AKAP9: variants seen among roughly 807,000 people sequenced by gnomAD.
AKAP9 encodes A-kinase anchor protein 9.
Under a neutral mutation model 488.5 loss-of-function variants are expected in AKAP9, and 311 were observed. That is an observed-to-expected ratio of 0.64 (90% CI 0.58 to 0.70). The LOEUF is 0.70. AKAP9 is among the 30% of genes least tolerant of loss of function. The pLI, the probability that AKAP9 is intolerant of heterozygous loss-of-function variation, is 0.00. For synonymous variants in AKAP9, 1,462 were observed against 1,483.5 expected (o/e 0.99, Z 0.33); for missense variants, 4,215 against 4,374.5 (o/e 0.96, Z 1.03).
chr7:92,092,335 G>A (rs900667071), intron 38 of AKAP9: 1 of 152,166 alleles, frequency 6.6e-6, no homozygotes, highest in Non-Finnish European at 1.5e-5. Context: ...TCCTATTAAA[G>A]TTCCAGGGGA....
intron 31 of AKAP9, among the ~76,000 whole-genome samples, chr7:92,082,217 G>A (rs1348513801): frequency 6.6e-6 from 1 of 152,186 alleles, no homozygotes; most frequent in Non-Finnish European, 1.5e-5. Flanking sequence ...TTACAGGCGT[G>A]AGCCACCGTG....
chr7:92,046,151 C>T (rs1806955787), intron 21 of AKAP9, among the ~76,000 whole-genome samples: 1 of 152,052 alleles, frequency 6.6e-6, no homozygotes, highest in South Asian at 2.1e-4. Context: ...TCTATTTCTT[C>T]CCATCACATT....
At chr7:91,952,322 C>T (rs573657604) in intron 1 of AKAP9, among the ~76,000 whole-genome samples, 81 of 152,134 alleles carry the variant, frequency 5.3e-4, no homozygotes, top group Non-Finnish European at 1.0e-3. Context: ...AGGCACTTTG[C>T]TAAGATGATA....
At chr7:92,042,234 T>C in intron 19 of AKAP9, 48 bp downstream of exon 19, 4 of 1,610,822 alleles carry the variant, frequency 2.5e-6, no homozygotes, top group South Asian at 1.1e-5. Context: ...ACCAATTCAG[T>C]AGGATTTGTT....
intron 8 of AKAP9, among the ~76,000 whole-genome samples, chr7:92,005,344 A>G (rs1490616722): frequency 6.6e-6 from 1 of 152,200 alleles, no homozygotes; most frequent in Admixed American, 6.5e-5. Flanking sequence ...ATTTGAGCTG[A>G]AATCTGAATG....
At position 92,102,812 on chromosome 7, in the gene AKAP9, C is replaced by T. The variant is rs185491437; in HGVS notation, c.11316C>T (p.Ser3772=). 1.6e-5 allele frequency: 26 copies of T among 1,614,076 alleles called. No individual in the cohort carries two copies. In the Admixed American group the frequency reaches 3.8e-4, roughly 24 times the overall value. Residue 3772 remains serine (S), a synonymous_variant, in exon 46 of 50, where the codon TCC becomes TCT. Coordinates refer to ENST00000356239, the MANE Select transcript of AKAP9 (RefSeq NM_005751.5). ...GGTTTCGGTCGGCCGTCAGAGTATC[C>T]ATTGCAATTTCCAGGTAAAGACTTG... ...FTRFRSAVRV[S]IAISRMKFLV...
intron 1 of AKAP9, among the ~76,000 whole-genome samples, chr7:91,951,753 TTATTC>T (rs1401319379): frequency 2.8e-4 from 43 of 152,218 alleles, no homozygotes; most frequent in African/African-American, 9.9e-4. Context: ...TTATTTTCCT[TTATTC>T]TATATACTCA....
rs1412681888 is a variant in AKAP9, at chr7:92,061,382, G to C, written c.5724G>C (p.Arg1908Ser). The C allele has an allele frequency of 1.9e-6, 3 of 1,612,628 alleles. No homozygotes were observed. In the South Asian group the frequency reaches 3.3e-5, roughly 18 times the overall value. Residue 1908 changes from arginine (R) to serine (S), a missense_variant, in exon 23 of 50, where the codon AGG becomes AGC. Transcript: ENST00000356239. ...GAGAGCGCCTTCATGAGGAGTCCAG[G>C]GCCAGAGAACAGCTAGCTGTGGAGC... ...ELRERLHEES[R>S]AREQLAVELS...
Position 92,100,752 on chromosome 7 carries a change from G to A in AKAP9, c.10897-104G>A, listed in dbSNP as rs1817395065. ...GATTGGCTTTGAACTTTGTCTGGGT[G>A]GGGTTAGAAAGTTGAGACTGCATCA... On this transcript the variant is annotated intron_variant, in intron 44 of 49. Transcript: ENST00000356239. The A allele has an allele frequency of 3.1e-6, 4 of 1,303,830 alleles. No homozygotes were observed. The Admixed American group carries it at 6.8e-5, about 22-fold the overall frequency. The allele number at this position is 1,303,830 out of a possible 1,614,324, so 80.8% of individuals were successfully genotyped here.
At chr7:91,953,857 C>T (rs1419444151) in intron 1 of AKAP9, among the ~76,000 whole-genome samples, 1 of 149,164 alleles carries the variant, frequency 6.7e-6, no homozygotes, top group Non-Finnish European at 1.5e-5. Context: ...AGGTATGCTG[C>T]CACCAGGTGG....
chr7:92,008,548 A>G (rs1584085705), intron 8 of AKAP9, among the ~76,000 whole-genome samples: 2 of 151,140 alleles, frequency 1.3e-5, no homozygotes, highest in Non-Finnish European at 1.5e-5. Flanking sequence ...TCAGCTAGGC[A>G]TGGTGGCATG....
intron 1 of AKAP9, among the ~76,000 whole-genome samples, chr7:91,956,392 T>A (rs538854579): frequency 0.012 from 1,506 of 121,128 alleles, 24 homozygotes; most frequent in African/African-American, 0.05. Context: ...AGAGTGAGAC[T>A]CTGTCTCAAA....
At chr7:92,065,521 A>T in intron 25 of AKAP9, 58 bp downstream of exon 25, 1 of 1,220,072 alleles carries the variant, frequency 8.2e-7, no homozygotes, top group Non-Finnish European at 1.2e-6. Context: ...TTGCTAGTAT[A>T]CTAGGCTATG....
chr7:92,008,095 C>T (rs1029302471), intron 8 of AKAP9, among the ~76,000 whole-genome samples: 1 of 152,134 alleles, frequency 6.6e-6, no homozygotes, highest in Non-Finnish European at 1.5e-5. Context: ...AGTGGCTGGC[C>T]GTGGTGGCTC....
chr7:92,044,900 GTTA>G, intron 20 of AKAP9, 105 bp from the exon 21 acceptor site: 1 of 842,692 alleles, frequency 1.2e-6, no homozygotes, highest in Non-Finnish European at 2.0e-6. Context: ...AGGATCATCT[GTTA>G]TTTTTCAAAT....
At chr7:92,022,465 C>A in intron 13 of AKAP9, 113 bp downstream of exon 13, 1 of 736,490 alleles carries the variant, frequency 1.4e-6, no homozygotes, top group Non-Finnish European at 2.4e-6. Context: ...TTCACTGTAG[C>A]CTCTCTGATC....
chr7:92,062,249 A>C (rs753603903), intron 23 of AKAP9, 25 bp from the exon 24 acceptor site: 1 of 1,582,612 alleles, frequency 6.3e-7, no homozygotes, highest in South Asian at 1.1e-5. Context: ...TAATAGTTCT[A>C]TTTTCTGTTA....
chr7:92,041,601 T>C (rs186643481), intron 18 of AKAP9: 1 of 160,484 alleles, frequency 6.2e-6, no homozygotes, highest in Admixed American at 6.0e-5. Context: ...TATGTAGAAG[T>C]TCTTATGAAA....
intron 12 of AKAP9, among the ~76,000 whole-genome samples, chr7:92,020,396 T>A (rs887280554): frequency 6.6e-6 from 1 of 152,184 alleles, no homozygotes; most frequent in Admixed American, 6.5e-5. Context: ...GTTCAAATGT[T>A]TACTCCCTCT....
Sources: allele counts gnomAD v4.1 joint callset (sites outside exome capture counted in the v4.1 genomes callset), GRCh38; gene constraint gnomAD v4.1.1; transcripts MANE v1.5; gene names NCBI Gene and HGNC (gene_info 2026-07-23, HGNC 2026-07-21).